Variants in CADPS observed in about 807,000 individuals in gnomAD.
The protein encoded by CADPS is calcium-dependent secretion activator 1.
CADPS carries 57 observed loss-of-function variants against 167.3 expected under a neutral mutation model. The observed-to-expected ratio is 0.34, with a 90% confidence interval of 0.28 to 0.42. CADPS has a LOEUF of 0.42. CADPS is among the 20% of genes least tolerant of loss of function. CADPS has a pLI of 1.00. For missense variants in CADPS, 1,414 were observed against 1,738.1 expected (o/e 0.81, Z 3.32); for synonymous variants, 676 against 635.3 (o/e 1.06, Z -0.96).
At chr3:62,839,764 A>G (rs573389205) in intron 1 of CADPS, among the ~76,000 whole-genome samples, 12 of 152,366 alleles carry the variant, frequency 7.9e-5, no homozygotes, top group African/African-American at 1.4e-4. Context: ...CAAAGCATCA[A>G]CTGGATTCAT....
intron 1 of CADPS, among the ~76,000 whole-genome samples, chr3:62,833,460 G>A (rs947345312): frequency 2.6e-5 from 4 of 151,808 alleles, no homozygotes; most frequent in African/African-American, 9.7e-5. Context: ...AGGCTGAGGA[G>A]GGAGGAGGAT....
intron 28 of CADPS, among the ~76,000 whole-genome samples, chr3:62,425,367 A>G (rs979731845): frequency 6.6e-6 from 1 of 152,078 alleles, no homozygotes; most frequent in African/African-American, 2.4e-5. Context: ...ACATTTCCAA[A>G]TGTGCTGTAG....
chr3:62,730,134 T>G (rs1292601708), intron 3 of CADPS, among the ~76,000 whole-genome samples: 6 of 152,070 alleles, frequency 3.9e-5, no homozygotes, highest in African/African-American at 7.3e-5. Context: ...TTCATGACGG[T>G]CTTCTTTGTA....
intron 5 of CADPS, among the ~76,000 whole-genome samples, chr3:62,649,107 A>G (rs2069338494): frequency 6.6e-6 from 1 of 152,194 alleles, no homozygotes; most frequent in South Asian, 2.1e-4. Context: ...ATTCTAATCA[A>G]CTGCACAGAA....
chr3:62,411,054 G>A (rs774278434), intron 28 of CADPS, among the ~76,000 whole-genome samples: 1 of 152,134 alleles, frequency 6.6e-6, no homozygotes, highest in Non-Finnish European at 1.5e-5. Context: ...CCAGTGCTAT[G>A]ATTGTGCCAC....
At chr3:62,784,316 C>T (rs1054965910) in intron 1 of CADPS, among the ~76,000 whole-genome samples, 1 of 152,110 alleles carries the variant, frequency 6.6e-6, no homozygotes, top group Non-Finnish European at 1.5e-5. Flanking sequence ...ATTTTGATAA[C>T]ATAAGTATCA....
At chr3:62,586,345 C>T (rs772822344) in intron 7 of CADPS, among the ~76,000 whole-genome samples, 1 of 152,060 alleles carries the variant, frequency 6.6e-6, no homozygotes, top group Non-Finnish European at 1.5e-5. Flanking sequence ...TGGAGGTGGC[C>T]GTGAGGGGCT....
rs1295906214 is a variant in CADPS, at chr3:62,458,488, TTTTTTCTTTTTC to T, written c.3636+6867_3636+6878del. ...CATGTACCTATTCATTAGGTATTTC[TTTTTTCTTTTTC>T]TTTTTTGAGACGGAGTCTGGCTCTA... is the stretch of plus-strand genomic sequence containing the variant. On this transcript the variant is annotated intron_variant, in intron 26 of 29. Transcript: ENST00000383710. This position sits in a 1 kb window ranked among gnomAD's most constrained non-coding sequence, Gnocchi z 4.6. Among the ~76,000 whole-genome samples, 1 of 149,948 alleles carries T rather than the reference TTTTTTCTTTTTC, an allele frequency of 6.7e-6. No homozygotes were observed. Among genetic ancestry groups the T allele is most frequent in the African/African-American group, 2.4e-5 (1 of 41,348 alleles).
chr3:62,437,972 A>C, intron 28 of CADPS, 132 bp downstream of exon 28: 1 of 628,576 alleles, frequency 1.6e-6, no homozygotes, highest in Non-Finnish European at 2.8e-6. Context: ...AGGCAGAGGG[A>C]GAGGAAAAGA....
intron 28 of CADPS, among the ~76,000 whole-genome samples, chr3:62,419,967 T>G (rs1458486385): frequency 6.6e-6 from 1 of 152,162 alleles, no homozygotes; most frequent in Non-Finnish European, 1.5e-5. Context: ...TGAGCCAAAG[T>G]TGAAGTTCTT....
intron 23 of CADPS, among the ~76,000 whole-genome samples, chr3:62,477,013 G>T (rs1471837789): frequency 2.0e-5 from 3 of 152,082 alleles, no homozygotes; most frequent in Admixed American, 6.6e-5. Context: ...AAAAAATCTG[G>T]ATCACTACAA....
chr3:62,555,670 A>G (rs1206149784), intron 10 of CADPS, among the ~76,000 whole-genome samples: 1 of 152,194 alleles, frequency 6.6e-6, no homozygotes, highest in Non-Finnish European at 1.5e-5. Context: ...TTATTGTCAT[A>G]AGGTGGTATT....
chr3:62,464,135 T>C (rs750171248), intron 26 of CADPS, among the ~76,000 whole-genome samples: 1 of 152,156 alleles, frequency 6.6e-6, no homozygotes, highest in Non-Finnish European at 1.5e-5. Context: ...CCTACGTTAT[T>C]ATCTTCATGA....
At position 62,788,972 on chromosome 3, in the gene CADPS, A is replaced by G. The variant is rs201838966; in HGVS notation, c.442-22988T>C. 3.3e-5 allele frequency among the ~76,000 whole-genome samples: 5 copies of G among 152,172 alleles called. No homozygotes were observed. In the East Asian group the frequency reaches 5.8e-4, roughly 18 times the overall value. Reference sequence around the variant, plus strand: ...CAATATTAATCTGGCTCCATATTCAATGCTGGTGATTTCGAAGACATTCAT... The same window carrying G: ...CAATATTAATCTGGCTCCATATTCAGTGCTGGTGATTTCGAAGACATTCAT... On this transcript the variant is annotated intron_variant, in intron 1 of 29. Transcript: ENST00000383710.
intron 3 of CADPS, among the ~76,000 whole-genome samples, chr3:62,671,249 T>G (rs1027374148): frequency 1.3e-5 from 2 of 152,152 alleles, no homozygotes; most frequent in African/African-American, 4.8e-5. Flanking sequence ...AGAGACTATG[T>G]TTTTTATCCA....
chr3:62,491,627 G>A, intron 20 of CADPS, 147 bp from the exon 21 acceptor site: 1 of 653,800 alleles, frequency 1.5e-6, no homozygotes, highest in Non-Finnish European at 2.4e-6. Flanking sequence ...TGCTTCTAAG[G>A]AAGCCAAAAA....
intron 1 of CADPS, among the ~76,000 whole-genome samples, chr3:62,769,476 C>T (rs150477165): frequency 1.3e-5 from 2 of 152,268 alleles, no homozygotes; most frequent in East Asian, 3.9e-4. Flanking sequence ...AGGTGATCCA[C>T]CTGCCTCGGC....
chr3:62,865,076 G>A (rs1415968426), intron 1 of CADPS, among the ~76,000 whole-genome samples: 1 of 152,120 alleles, frequency 6.6e-6, no homozygotes, highest in African/African-American at 2.4e-5. Flanking sequence ...ATGACACACT[G>A]CCTTATAGAC....
chr3:62,587,926 T>C (rs575139223), intron 7 of CADPS, among the ~76,000 whole-genome samples: 12 of 152,210 alleles, frequency 7.9e-5, no homozygotes, highest in Non-Finnish European at 1.5e-5. Context: ...AGGGTCCTTC[T>C]GGGTGCACAT....
Sources: allele counts gnomAD v4.1 joint callset (sites outside exome capture counted in the v4.1 genomes callset), GRCh38; gene constraint gnomAD v4.1.1; non-coding constraint Gnocchi (gnomAD v3.1); transcripts MANE v1.5; gene names NCBI Gene and HGNC (gene_info 2026-07-23, HGNC 2026-07-21).